SNX29: variants seen among roughly 807,000 people sequenced by gnomAD.
SNX29 encodes sorting nexin-29.
SNX29 carries 78 observed loss-of-function variants against 102.1 expected under a neutral mutation model. The ratio of observed to expected loss-of-function variants is 0.76; its 90% confidence interval spans 0.64 to 0.92. SNX29 has a LOEUF of 0.92. Ranked by LOEUF, SNX29 falls within the 40% of genes least tolerant of loss-of-function variation. SNX29 has a pLI of 0.00. For missense variants in SNX29, 1,280 were observed against 1,061.7 expected (o/e 1.21, Z -2.86); for synonymous variants, 580 against 414.5 (o/e 1.40, Z -4.85).
Position 12,466,990 on chromosome 16 carries a change from T to C in SNX29, c.2038-10729T>C, listed in dbSNP as rs550072880. ...GCACCTGGACCAGAAATTCAGTGAG[T>C]TAGGGGAACAAGAGTGCCCACCTTT... On this transcript the variant is annotated intron_variant, in intron 18 of 20. Coordinates refer to ENST00000566228, the MANE Select transcript of SNX29 (RefSeq NM_032167.5). 5.3e-5 allele frequency among the ~76,000 whole-genome samples: 8 copies of C among 152,274 alleles called. 1 individual carries two copies. Among genetic ancestry groups the C allele is most frequent in the African/African-American group, 1.9e-4 (8 of 41,566 alleles).
intron 14 of SNX29, among the ~76,000 whole-genome samples, chr16:12,209,704 C>T (rs1464750102): frequency 6.6e-6 from 1 of 152,218 alleles, no homozygotes; most frequent in Non-Finnish European, 1.5e-5. Flanking sequence ...CCAGCAGTGG[C>T]CCCAACTGTC....
At chr16:12,141,158 C>T (rs1385214624) in intron 13 of SNX29, among the ~76,000 whole-genome samples, 2 of 152,134 alleles carry the variant, frequency 1.3e-5, no homozygotes, top group African/African-American at 2.4e-5. Flanking sequence ...GTGGGTGAAC[C>T]GTAAAGTAAA....
intron 14 of SNX29, among the ~76,000 whole-genome samples, chr16:12,248,326 C>CCTGTTTCCTGGAGTTCTTCCT (rs1173917431): frequency 2.6e-5 from 4 of 152,114 alleles, no homozygotes; most frequent in African/African-American, 9.7e-5. Flanking sequence ...TCTTGCTTCC[C>CCTGTTTCCTGGAGTTCTTCCT]CTGTTTCCTG....
chr16:12,573,126 C>A lies in SNX29; in HGVS notation c.*4497C>A. The stretch of plus-strand genomic sequence containing the variant: ...TGTTTTTCTAATACACAATCTTGAT[C>A]TTGTTTCCAAAATAAAGCTTCAGCT... On this transcript the variant is annotated 3_prime_UTR_variant, in exon 21 of 21. Transcript: ENST00000566228. 4.4e-6 allele frequency: 1 copy of A among 229,430 alleles called. No homozygotes were observed. Among genetic ancestry groups the A allele is most frequent in the East Asian group, 6.3e-5 (1 of 15,994 alleles). 14.2% of individuals were successfully genotyped at this position (229,430 alleles called of 1,614,324 possible). A position where few individuals can be genotyped will look rare whatever the true frequency, so the allele number is the denominator to read the frequency against.
In SNX29 at chr16:12,401,445, A is replaced by G. The variant is rs149322237; in HGVS notation, c.1956-2003A>G. 6.0e-3 allele frequency among the ~76,000 whole-genome samples: 887 copies of G among 147,264 alleles called. 14 individuals carry two copies. The highest frequency in any genetic ancestry group is 0.022 in the African/African-American group (850 of 39,506). Reference sequence around the variant, plus strand: ...AGTGGTGTGACCTTGGCTCACTGCAACCTCTGCCTCCGGGTTCAAGTGATT... The same window carrying G: ...AGTGGTGTGACCTTGGCTCACTGCAGCCTCTGCCTCCGGGTTCAAGTGATT... On this transcript the variant is annotated intron_variant, in intron 17 of 20. Transcript: ENST00000566228.
intron 14 of SNX29, among the ~76,000 whole-genome samples, chr16:12,210,740 A>C (rs73504103): frequency 3.3e-5 from 5 of 150,606 alleles, no homozygotes; most frequent in East Asian, 3.9e-4. Flanking sequence ...TCCCTCCCTC[A>C]TTCCCTCCCT....
rs142240946 is a variant in SNX29, at chr16:12,417,013, G to C, written c.2037+13484G>C. On this transcript the variant is annotated intron_variant, in intron 18 of 20. Transcript: ENST00000566228. ...TGAACATTTATGGAGCCCCTGCTGT[G>C]TGCCAGGCACTGCGCCTAGTGAGAT... 7.4e-4 allele frequency among the ~76,000 whole-genome samples: 112 copies of C among 152,332 alleles called. 1 individual carries two copies. The East Asian group carries it at 0.013, about 18-fold the overall frequency.
intron 20 of SNX29, among the ~76,000 whole-genome samples, chr16:12,529,228 A>AG (rs946485465): frequency 9.9e-5 from 15 of 152,132 alleles, no homozygotes; most frequent in Non-Finnish European, 1.5e-5. Flanking sequence ...AGTGTGGCCC[A>AG]GGGGGGACCA....
At chr16:12,008,834 C>T (rs1310661826) in intron 3 of SNX29, among the ~76,000 whole-genome samples, 3 of 151,700 alleles carry the variant, frequency 2.0e-5, no homozygotes, top group African/African-American at 2.4e-5. Context: ...CTCCACCTCC[C>T]GGGTTCAAGC....
chr16:12,519,460 C>G (rs7499458), intron 19 of SNX29, among the ~76,000 whole-genome samples: 138,409 of 152,320 alleles, frequency 0.91, 63,089 homozygotes, highest in East Asian at 1. Context: ...ACACCAATGA[C>G]TCATCATTAA....
At chr16:12,275,535 A>G (rs1440261019) in intron 14 of SNX29, among the ~76,000 whole-genome samples, 1 of 152,176 alleles carries the variant, frequency 6.6e-6, no homozygotes, top group African/African-American at 2.4e-5. Context: ...ACAGTTCATT[A>G]GCGTTTTATG....
chr16:12,520,212 G>A (rs1462008427), intron 19 of SNX29, among the ~76,000 whole-genome samples: 3 of 152,144 alleles, frequency 2.0e-5, no homozygotes, highest in African/African-American at 4.8e-5. Context: ...GATGAGTCAT[G>A]CAGCCCCACC....
intron 14 of SNX29, among the ~76,000 whole-genome samples, chr16:12,270,514 G>T (rs1256225240): frequency 6.6e-6 from 1 of 152,200 alleles, no homozygotes; most frequent in Non-Finnish European, 1.5e-5. Flanking sequence ...CTCATGGGAT[G>T]AATGGTCTCT....
chr16:12,346,244 G>A (rs891262146), intron 15 of SNX29, among the ~76,000 whole-genome samples: 8 of 152,148 alleles, frequency 5.3e-5, no homozygotes, highest in African/African-American at 1.2e-4. Context: ...AGACCTTGGA[G>A]AGATGAAGGA....
intron 18 of SNX29, among the ~76,000 whole-genome samples, chr16:12,450,456 C>G (rs2086254288): frequency 6.6e-6 from 1 of 152,170 alleles, no homozygotes; most frequent in South Asian, 2.1e-4. Flanking sequence ...GCTCTCTATC[C>G]CATTAATTGG....
At chr16:12,515,455 T>G (rs1420514041) in intron 19 of SNX29, 2 of 477,500 alleles carry the variant, frequency 4.2e-6, no homozygotes, top group Non-Finnish European at 8.4e-6. Context: ...CTGAAATAGA[T>G]CAGTCAGCTC....
chr16:12,544,021 G>C (rs969541729), intron 20 of SNX29, among the ~76,000 whole-genome samples: 1 of 152,194 alleles, frequency 6.6e-6, no homozygotes, highest in Non-Finnish European at 1.5e-5. Context: ...CTGGACTCTA[G>C]ACCCCGTTGA....
chr16:12,461,826 G>C (rs2086785924), intron 18 of SNX29, among the ~76,000 whole-genome samples: 1 of 150,076 alleles, frequency 6.7e-6, no homozygotes, highest in Non-Finnish European at 1.5e-5. Flanking sequence ...CATGGTGGCA[G>C]GTGCCTGTAA....
Position 12,573,140 on chromosome 16 carries a change from A to G in SNX29, c.*4511A>G, listed in dbSNP as rs916918057. On this transcript the variant is annotated 3_prime_UTR_variant, in exon 21 of 21. Transcript: ENST00000566228. ...ACAATCTTGATCTTGTTTCCAAAAT[A>G]AAGCTTCAGCTCCTTGGTCAATAGA... The G allele has an allele frequency of 8.8e-6, 2 of 226,932 alleles. No individual in the cohort carries two copies. The highest frequency in any genetic ancestry group is 4.4e-5 in the African/African-American group (2 of 44,954). 14.1% of individuals were successfully genotyped at this position (226,932 alleles called of 1,614,324 possible).
Sources: gnomAD v4.1 joint callset for allele counts (sites outside exome capture counted in the v4.1 genomes callset) on GRCh38, gnomAD v4.1.1 for gene constraint, MANE v1.5 for transcripts, NCBI Gene and HGNC (gene_info 2026-07-23, HGNC 2026-07-21) for gene names.